GPATCH3: variants seen among roughly 807,000 people sequenced by gnomAD.
The protein encoded by GPATCH3 is G patch domain-containing protein 3.
GPATCH3 carries 45 observed loss-of-function variants against 53.2 expected under a neutral mutation model. The ratio of observed to expected loss-of-function variants is 0.85; its 90% CI spans 0.67 to 1.08. GPATCH3 has a LOEUF of 1.08. GPATCH3 is among the 50% of genes least tolerant of loss of function. GPATCH3 has a pLI of 0.00. For missense variants in GPATCH3, 680 were observed against 687.2 expected, an observed-to-expected ratio of 0.99 and a Z score of 0.12; for synonymous variants, 280 against 270.6, an observed-to-expected ratio of 1.03 and a Z score of -0.34.
At position 26,898,766 on chromosome 1, in the gene GPATCH3, A is replaced by C. The variant is rs541525390; in HGVS notation, c.452-1041T>G. Among the ~76,000 whole-genome samples the C allele has an allele frequency of 3.9e-4, 59 of 151,020 alleles. 1 individual carries two copies. Among genetic ancestry groups the C allele is most frequent in the African/African-American group, 1.3e-3 (55 of 41,036 alleles). ...ATTGCAACCTCCACCTCCTGGGCTC[A>C]AGTGATCCCCCCACCTCAACCTCAC... On this transcript the variant is annotated intron_variant, in intron 1 of 6. Transcript: ENST00000361720.
chr1:26,896,200 T>G (rs1456912680), intron 2 of GPATCH3, among the ~76,000 whole-genome samples: 2 of 152,134 alleles, frequency 1.3e-5, no homozygotes, highest in East Asian at 3.8e-4. Flanking sequence ...TGGGTTCATA[T>G]CCCAGCTCTA....
At chr1:26,892,378 G>A (rs2081931456) in intron 6 of GPATCH3, 33 bp downstream of exon 6, 5 of 1,598,304 alleles carry the variant, frequency 3.1e-6, no homozygotes, top group Non-Finnish European at 4.3e-6. Flanking sequence ...TGAAAGGCTT[G>A]GGCCCCCAGG....
In GPATCH3 at chr1:26,891,051, C is replaced by T. The variant is rs370963008; in HGVS notation, c.1537G>A (p.Gly513Ser). 1.1e-5 allele frequency: 17 copies of T among 1,613,998 alleles called. No homozygotes were observed. The African/African-American group carries it at 1.7e-4, about 16-fold the overall frequency. ...KFRTDMAFVR[G>S]SSCASDSPSL... ...GGGCTGTCTGAAGCACAACTGGAAC[C>T]CCTCACAAAGGCCATGTCTGTCCGA... The change falls in exon 7 of 7, where the codon GGT becomes AGT. Residue 513 changes from glycine to serine, a missense_variant. Transcript: ENST00000361720.
intron 2 of GPATCH3, among the ~76,000 whole-genome samples, chr1:26,896,944 C>T (rs2081953523): frequency 6.6e-6 from 1 of 151,622 alleles, no homozygotes; most frequent in Admixed American, 6.6e-5. Flanking sequence ...ATGGCGTGAA[C>T]CCAGGAGGCA....
rs1453677479 is a variant in GPATCH3, at chr1:26,899,934, G to C, written c.451+58C>G. 4.6e-6 allele frequency: 7 copies of C among 1,507,874 alleles called. No individual in the cohort carries two copies. In the Admixed American group the frequency reaches 1.2e-4, roughly 26 times the overall value. 93.4% of individuals were successfully genotyped at this position (1,507,874 alleles called of 1,614,324 possible). Reference sequence around the variant, plus strand: ...CCTGACTTATCCTCACCACTCCTCTGAAAAGGTGCCTCTGTTCCAGGCCCG... The same window carrying C: ...CCTGACTTATCCTCACCACTCCTCTCAAAAGGTGCCTCTGTTCCAGGCCCG... On this transcript the variant is annotated intron_variant, in intron 1 of 6. Transcript: ENST00000361720.
Position 26,892,644 on chromosome 1 carries a change from A to G in GPATCH3, c.1233+26T>C, listed in dbSNP as rs1023417663. 3.1e-6 allele frequency: 5 copies of G among 1,612,922 alleles called. 1 individual carries two copies. The highest frequency in any genetic ancestry group is 4.5e-5 in the East Asian group (2 of 44,832). ...GTAGAGAAGGAAAAGAGAGGGGTCC[A>G]TGGGGTGGGCACAGTGCTAACTCAC... On this transcript the variant is annotated intron_variant, in intron 5 of 6. Coordinates refer to ENST00000361720, the MANE Select transcript of GPATCH3 (RefSeq NM_022078.3).
intron 1 of GPATCH3, among the ~76,000 whole-genome samples, chr1:26,898,717 A>C (rs898370010): frequency 6.8e-6 from 1 of 146,676 alleles, no homozygotes; most frequent in Non-Finnish European, 1.5e-5. Context: ...CCCAGGCTGG[A>C]GTACAGTGGC....
In GPATCH3 at chr1:26,900,360, T is replaced by C; in HGVS notation, c.83A>G (p.His28Arg). The part of the protein sequence containing the change: ...SGIPSVLRSA[H>R]LRSYFSQFRE... Reference sequence around the variant, plus strand: ...GAACTGGCTAAAATAGCTCCGTAAATGGGCCGAGCGCAACACGGAGGGGAT... The same window carrying C: ...GAACTGGCTAAAATAGCTCCGTAAACGGGCCGAGCGCAACACGGAGGGGAT... Residue 28 changes from histidine to arginine, a missense_variant, in exon 1 of 7, where the codon CAT becomes CGT. His to Arg is a conservative substitution (Grantham distance 29). Transcript: ENST00000361720. The C allele has an allele frequency of 6.2e-7, 1 of 1,613,986 alleles. No homozygotes were observed. Among genetic ancestry groups the C allele is most frequent in the Non-Finnish European group, 8.5e-7 (1 of 1,180,016 alleles).
intron 6 of GPATCH3, 78 bp from the exon 7 acceptor site, chr1:26,891,304 G>A: frequency 9.2e-7 from 1 of 1,081,308 alleles, no homozygotes; most frequent in Non-Finnish European, 1.4e-6. Flanking sequence ...CGGGGAAGTA[G>A]TTACTACATA....
chr1:26,893,294 G>T, intron 4 of GPATCH3, 95 bp downstream of exon 4: 1 of 997,048 alleles, frequency 1.0e-6, no homozygotes, highest in Non-Finnish European at 1.6e-6. Context: ...AACGGGAACG[G>T]TACCCTGTCT....
rs201342395 is a variant in GPATCH3 at position 26,897,698 on chromosome 1, C to T, written c.479G>A (p.Arg160Gln). ...TGCCTTCCAACTCTGCAGTTCCTTC[C>T]GGGTCTTGAAGGGAAAGGAGCCCAG... Reference protein sequence around the residue: ...SGLGSFPFKTRKELQSWKAEN... With the variant: ...SGLGSFPFKTQKELQSWKAEN... The change falls in exon 2 of 7, where the codon CGG (arginine) becomes CAG (glutamine). Residue 160 changes from arginine (R) to glutamine (Q), a missense_variant. By Grantham distance (43) the Arg-to-Gln change is conservative (BLOSUM62 1). Transcript: ENST00000361720. 25 of 1,613,242 alleles carry T rather than the reference C, an allele frequency of 1.5e-5. No individual in the cohort carries two copies. The highest frequency in any genetic ancestry group is 1.1e-4 in the South Asian group (10 of 91,016).
At chr1:26,895,477 T>C (rs1440611420) in intron 2 of GPATCH3, among the ~76,000 whole-genome samples, 6 of 144,364 alleles carry the variant, frequency 4.2e-5, no homozygotes, top group Admixed American at 2.8e-4. Flanking sequence ...TGAGCTGAGA[T>C]TGCACTACTG....
chr1:26,897,852 T>C (rs2081958237), intron 1 of GPATCH3, 127 bp from the exon 2 acceptor site: 1 of 782,664 alleles, frequency 1.3e-6, no homozygotes, highest in South Asian at 1.9e-5. Flanking sequence ...CTAGTAAAAA[T>C]CTAGGCCGAC....
chr1:26,893,953 A>G (rs1348579472), intron 3 of GPATCH3, among the ~76,000 whole-genome samples: 1 of 151,800 alleles, frequency 6.6e-6, no homozygotes, highest in African/African-American at 2.4e-5. Flanking sequence ...AGTAGTTCGG[A>G]CTACAGGCAT....
rs779340498 is a variant in GPATCH3, at chr1:26,891,205, C to G, written c.1383G>C (p.Gln461His). The G allele has an allele frequency of 5.0e-6, 8 of 1,613,352 alleles. No homozygotes were observed. In the South Asian group the frequency reaches 7.7e-5, roughly 16 times the overall value. ...GGGGCCTCTTCAGTTGCCCAAATGG[C>G]TGTAGCTTCTCTCCATGGTACCTGG... ...RGLGYHGEKL[Q>H]PFGQLKRPRR... The change falls in exon 7 of 7, where the codon CAG (glutamine) becomes CAC (histidine). Residue 461 changes from glutamine (Q) to histidine (H), a missense_variant. Physicochemically the swap from Gln to His is conservative, Grantham distance 24. Coordinates refer to ENST00000361720, the MANE Select transcript of GPATCH3 (RefSeq NM_022078.3).
Position 26,892,485 on chromosome 1 carries a change from C to T in GPATCH3, c.1287G>A (p.Leu429=). Residue 429 remains leucine, a synonymous_variant, in exon 6 of 7, where the codon CTG becomes CTA. Coordinates refer to ENST00000361720, the MANE Select transcript of GPATCH3 (RefSeq NM_022078.3). ...ERQGWAEGQG[L]GCRCSGVPEA... ...CAGGCACCCCTGAGCACCTGCAGCC[C>T]AGGCCCTGGCCCTCAGCCCAGCCCT... The T allele has an allele frequency of 6.2e-7, 1 of 1,614,092 alleles. No individual in the cohort carries two copies. Among genetic ancestry groups the T allele is most frequent in the Non-Finnish European group, 8.5e-7 (1 of 1,179,948 alleles).
chr1:26,897,197 C>A, intron 2 of GPATCH3, 104 bp downstream of exon 2: 1 of 1,097,484 alleles, frequency 9.1e-7, no homozygotes, highest in Non-Finnish European at 1.3e-6. Flanking sequence ...CTCCTGAGGA[C>A]CCCAGGTTAA....
chr1:26,897,254 G>A lies in GPATCH3; in HGVS notation c.876+47C>T, dbSNP rs747047339. ...GAAGAGTGGTATTATTAATGCCTTC[G>A]GCCTCTTTCAGCTGCCAGCAAGGAC... On this transcript the variant is annotated intron_variant, in intron 2 of 6. Coordinates refer to ENST00000361720, the MANE Select transcript of GPATCH3 (RefSeq NM_022078.3). 7 of 1,566,388 alleles carry A rather than the reference G, an allele frequency of 4.5e-6. No homozygotes were observed. In the East Asian group the frequency reaches 6.7e-5, roughly 15 times the overall value.
At position 26,894,550 on chromosome 1, in the gene GPATCH3, C is replaced by T. The variant is rs1370018578; in HGVS notation, c.877-140G>A. On this transcript the variant is annotated intron_variant, in intron 2 of 6. Transcript: ENST00000361720. Reference sequence around the variant, plus strand: ...TCTCCAAGAAGCAGCACATATTTGGCCCCTGACCAACACGTCTCCAGCCCG... The same window carrying T: ...TCTCCAAGAAGCAGCACATATTTGGTCCCTGACCAACACGTCTCCAGCCCG... 5.0e-6 allele frequency: 4 copies of T among 798,634 alleles called. No homozygotes were observed. In the East Asian group the frequency reaches 9.9e-5, roughly 20 times the overall value. The allele number at this position is 798,634 out of a possible 1,614,324, so 49.5% of individuals were successfully genotyped here.
Sources: allele counts gnomAD v4.1 joint callset (sites outside exome capture counted in the v4.1 genomes callset), GRCh38; gene constraint gnomAD v4.1.1; transcripts MANE v1.5; gene names NCBI Gene and HGNC (gene_info 2026-07-23, HGNC 2026-07-21).